Variants in PTH observed in about 807,000 individuals in gnomAD.
PTH encodes parathormone.
Under a neutral mutation model 7.4 loss-of-function variants are expected in PTH, and 7 were observed. That is an observed-to-expected ratio of 0.94 (90% CI 0.53 to 1.77). The LOEUF (loss-of-function observed/expected upper bound fraction) is 1.77. Ranked by LOEUF, PTH falls within the 40% of genes most tolerant of loss-of-function variation. The pLI, the probability that PTH is intolerant of heterozygous loss-of-function variation, is 0.00. For missense variants in PTH, 128 were observed against 137.1 expected, an observed-to-expected ratio of 0.93 and a Z score of 0.33; for synonymous variants, 51 against 46.6, an observed-to-expected ratio of 1.09 and a Z score of -0.39.
chr11:13,492,569 C>T lies in PTH; in HGVS notation c.184G>A (p.Val62Met). 1.2e-6 allele frequency: 2 copies of T among 1,614,158 alleles called. No individual in the cohort carries two copies. The highest frequency in any genetic ancestry group is 1.1e-5 in the South Asian group (1 of 91,084). Reference sequence around the variant, plus strand: ...GCTCCAAGGGCAACAAAATTGTGCACATCCTGCAGCTTCTTACGCAGCCAT... The same window carrying T: ...GCTCCAAGGGCAACAAAATTGTGCATATCCTGCAGCTTCTTACGCAGCCAT... ...VEWLRKKLQD[V>M]HNFVALGAPL... Residue 62 changes from valine (V) to methionine (M), a missense_variant, in exon 3 of 3, where the codon GTG becomes ATG. Physicochemically the swap from Val to Met is conservative, Grantham distance 21. Transcript: ENST00000282091.
chr11:13,493,596 T>A (rs1356593461), intron 1 of PTH, among the ~76,000 whole-genome samples: 1 of 152,238 alleles, frequency 6.6e-6, no homozygotes, highest in Non-Finnish European at 1.5e-5. Flanking sequence ...TCTACCGTCC[T>A]AACTGTGACT....
At chr11:13,493,785 A>G (rs1847506239) in intron 1 of PTH, among the ~76,000 whole-genome samples, 2 of 152,226 alleles carry the variant, frequency 1.3e-5, no homozygotes, top group Admixed American at 1.3e-4. Flanking sequence ...ACTTATGTAT[A>G]TACATATATT....
In PTH at chr11:13,492,686, A is replaced by G. The variant is rs368046668; in HGVS notation, c.87-20T>C. On this transcript the variant is annotated intron_variant, in intron 2 of 2. Transcript: ENST00000282091. The stretch of plus-strand genomic sequence containing the variant: ...CTCTTCCTGGGAAGAAGAGAAACAG[A>G]GAGGGCCACTTCCCATTAGCTCCCC... 15 of 1,613,972 alleles carry G rather than the reference A, an allele frequency of 9.3e-6. No individual in the cohort carries two copies. In the African/African-American group the frequency reaches 1.5e-4, roughly 16 times the overall value.
At chr11:13,494,747 C>T (rs1847519393) in intron 1 of PTH, among the ~76,000 whole-genome samples, 1 of 152,108 alleles carries the variant, frequency 6.6e-6, no homozygotes, top group South Asian at 2.1e-4. Flanking sequence ...GCTGGTGAGC[C>T]ATGCTTCTCA....
chr11:13,492,508 G>A lies in PTH; in HGVS notation c.245C>T (p.Pro82Leu), dbSNP rs765671122. The A allele has an allele frequency of 5.6e-6, 9 of 1,613,696 alleles. No individual in the cohort carries two copies. In the South Asian group the frequency reaches 8.8e-5, roughly 16 times the overall value. ...LAPRDAGSQR[P>L]RKKEDNVLVE... ...CAAGACATTGTCTTCCTTTTTTCGG[G>A]GCCTCTGGGAACCAGCATCTCTGGG... The change falls in exon 3 of 3, where the codon CCC (proline) becomes CTC (leucine). Residue 82 changes from proline (P) to leucine (L), a missense_variant. Physicochemically the swap from Pro to Leu is moderately conservative, Grantham distance 98. Coordinates refer to ENST00000282091, the MANE Select transcript of PTH (RefSeq NM_000315.4).
In PTH at chr11:13,492,130, T is replaced by C. The variant is rs1023595255; in HGVS notation, c.*275A>G. On this transcript the variant is annotated 3_prime_UTR_variant, in exon 3 of 3. Coordinates refer to ENST00000282091, the MANE Select transcript of PTH (RefSeq NM_000315.4). The stretch of plus-strand genomic sequence containing the variant: ...TTACATTTTAAGGTAGAAGAGAGGT[T>C]TAAAAGTGCAATTTTATTCTTTTAT... 1.8e-5 allele frequency: 7 copies of C among 386,012 alleles called. No individual in the cohort carries two copies. The highest frequency in any genetic ancestry group is 1.7e-4 in the Admixed American group (4 of 23,510). The allele number at this position is 386,012 out of a possible 1,614,324, so 23.9% of individuals were successfully genotyped here. A position where few individuals can be genotyped will look rare whatever the true frequency, so the allele number is the denominator to read the frequency against.
At chr11:13,495,119 A>G (rs1265382225) in intron 1 of PTH, among the ~76,000 whole-genome samples, 1 of 152,198 alleles carries the variant, frequency 6.6e-6, no homozygotes, top group Non-Finnish European at 1.5e-5. Flanking sequence ...TTTATCTCTG[A>G]ATGGAATGCT....
At chr11:13,493,370 T>C (rs1430418413) in intron 1 of PTH, among the ~76,000 whole-genome samples, 1 of 152,210 alleles carries the variant, frequency 6.6e-6, no homozygotes, top group Non-Finnish European at 1.5e-5. Context: ...TTAAAATTGC[T>C]TAAAACATTT....
In PTH at chr11:13,492,463, CT is replaced by C. The variant is rs780166894; in HGVS notation, c.289del (p.Ser97ValfsTer10). 6 of 1,613,996 alleles carry C rather than the reference CT, an allele frequency of 3.7e-6. No homozygotes were observed. The African/African-American group carries it at 4.0e-5, about 11-fold the overall frequency. On this transcript the variant is annotated frameshift_variant, in exon 3 of 3. Coordinates refer to ENST00000282091, the MANE Select transcript of PTH (RefSeq NM_000315.4). LOFTEE classifies it high-confidence loss of function. The stretch of plus-strand genomic sequence containing the variant: ...ATCAGCTTTGTCTGCCTCTCCAAGA[CT>C]TTTTTCATGGCTCTCAACCAAGACA... ...DNVLVESHEK[S>X]LGEADKADVN...
intron 1 of PTH, among the ~76,000 whole-genome samples, chr11:13,493,873 A>G (rs577794202): frequency 1.3e-5 from 2 of 152,166 alleles, no homozygotes; most frequent in Non-Finnish European, 2.9e-5. Context: ...CCCAGAATTA[A>G]CATGCTGACT....
Position 13,492,607 on chromosome 11 carries a change from A to G in PTH, c.146T>C (p.Met49Thr). Residue 49 changes from methionine (M) to threonine (T), a missense_variant, in exon 3 of 3, where the codon ATG (methionine) becomes ACG (threonine). By Grantham distance (81) the Met-to-Thr change is moderately conservative (BLOSUM62 -1). Transcript: ENST00000282091. ...CTTACGCAGCCATTCTACTCTCTCC[A>G]TCGAGTTCAGATGTTTTCCCAGGTT... ...MHNLGKHLNS[M>T]ERVEWLRKKL... 1.2e-6 allele frequency: 2 copies of G among 1,614,062 alleles called. No homozygotes were observed. The highest frequency in any genetic ancestry group is 4.5e-5 in the East Asian group (2 of 44,880).
chr11:13,492,498 C>T lies in PTH; in HGVS notation c.255G>A (p.Lys85=), dbSNP rs572350646. 1.9e-6 allele frequency: 3 copies of T among 1,614,108 alleles called. No individual in the cohort carries two copies. The African/African-American group carries it at 4.0e-5, about 22-fold the overall frequency. ...GGCTCTCAACCAAGACATTGTCTTC[C>T]TTTTTTCGGGGCCTCTGGGAACCAG... ...RDAGSQRPRK[K]EDNVLVESHE... The change falls in exon 3 of 3, where the codon AAG becomes AAA. Residue 85 remains lysine (K), a synonymous_variant. Transcript: ENST00000282091.
At position 13,492,269 on chromosome 11, in the gene PTH, C is replaced by A; in HGVS notation, c.*136G>T. On this transcript the variant is annotated 3_prime_UTR_variant, in exon 3 of 3. Coordinates refer to ENST00000282091, the MANE Select transcript of PTH (RefSeq NM_000315.4). ...TCAATTAAAATTGCAGTTATCATGGCTAGTGATGGATTACATGTAGTTTGT... is the reference window on the plus strand; with the variant it reads ...TCAATTAAAATTGCAGTTATCATGGATAGTGATGGATTACATGTAGTTTGT... 1 of 993,558 alleles carries A rather than the reference C, an allele frequency of 1.0e-6. No individual in the cohort carries two copies. The highest frequency in any genetic ancestry group is 1.5e-6 in the Non-Finnish European group (1 of 672,868). The allele number at this position is 993,558 out of a possible 1,614,324, so 61.5% of individuals were successfully genotyped here. A position where few individuals can be genotyped will look rare whatever the true frequency, so the allele number is the denominator to read the frequency against.
In PTH at chr11:13,492,201, ATAAT is replaced by A. The variant is rs1024038338; in HGVS notation, c.*200_*203del. 14 of 590,788 alleles carry A rather than the reference ATAAT, an allele frequency of 2.4e-5. No individual in the cohort carries two copies. The highest frequency in any genetic ancestry group is 1.0e-4 in the Admixed American group (3 of 29,902). The allele number at this position is 590,788 out of a possible 1,614,324, so 36.6% of individuals were successfully genotyped here. On this transcript the variant is annotated 3_prime_UTR_variant, in exon 3 of 3. Transcript: ENST00000282091. ...TTAAAAAGAATAAACAATAGAAAAG[ATAAT>A]TAAAATAACTCAAATGAATAAAAGT...
chr11:13,493,766 A>G (rs1847506046), intron 1 of PTH, among the ~76,000 whole-genome samples: 1 of 152,252 alleles, frequency 6.6e-6, no homozygotes, highest in Admixed American at 6.5e-5. Flanking sequence ...ACAGTTTTAC[A>G]GTCATACCAC....
intron 1 of PTH, among the ~76,000 whole-genome samples, chr11:13,494,566 C>T (rs1847517028): frequency 6.6e-6 from 1 of 152,142 alleles, no homozygotes; most frequent in Admixed American, 6.5e-5. Context: ...CAAAAAGGGT[C>T]TCTAGCTTTT....
At chr11:13,492,940 T>A (rs1847494783) in intron 1 of PTH, 80 bp from the exon 2 acceptor site, 1 of 1,311,154 alleles carries the variant, frequency 7.6e-7, no homozygotes, top group Non-Finnish European at 1.1e-6. Context: ...CAATACTAAC[T>A]AATTGGGTTG....
intron 1 of PTH, 70 bp from the exon 2 acceptor site, chr11:13,492,930 C>T (rs1169175823): frequency 7.3e-7 from 1 of 1,360,978 alleles, no homozygotes; most frequent in African/African-American, 1.5e-5. Context: ...ACACAGAATG[C>T]AATACTAACT....
chr11:13,493,741 T>G (rs1246787754), intron 1 of PTH, among the ~76,000 whole-genome samples: 3 of 152,272 alleles, frequency 2.0e-5, no homozygotes, highest in Non-Finnish European at 4.4e-5. Context: ...ACTCAGCTAA[T>G]AACTAATGGA....
Sources: allele counts gnomAD v4.1 joint callset (sites outside exome capture counted in the v4.1 genomes callset), GRCh38; gene constraint gnomAD v4.1.1; transcripts MANE v1.5; gene names NCBI Gene and HGNC (gene_info 2026-07-23, HGNC 2026-07-21).